Variants in EYA2 observed in about 807,000 individuals in gnomAD.
EYA2 encodes the protein protein phosphatase EYA2.
A neutral mutation model predicts 69.2 loss-of-function variants in EYA2; 31 were observed. The observed-to-expected ratio is 0.45, with a 90% CI of 0.34 to 0.60. The LOEUF (loss-of-function observed/expected upper bound fraction) is 0.60. Among genes scored for constraint, EYA2 ranks in the 20% least tolerant of loss-of-function variants. EYA2 has a pLI of 0.02. For missense variants in EYA2, 622 were observed against 701.2 expected, an observed-to-expected ratio of 0.89 and a Z score of 1.28; for synonymous variants, 257 against 279.4, an observed-to-expected ratio of 0.92 and a Z score of 0.80.
intron 1 of EYA2, among the ~76,000 whole-genome samples, chr20:46,943,939 TTCTC>T (rs1478273356): frequency 6.6e-6 from 1 of 152,162 alleles, no homozygotes; most frequent in Non-Finnish European, 1.5e-5. Context: ...CCCCCTTTCT[TTCTC>T]ATTAAAAAGA....
Position 47,063,388 on chromosome 20 carries a change from TGTGC to T in EYA2, c.416-8793_416-8790del, listed in dbSNP as rs1276300062. ...TTGGGTTTATTTGTGTGTGTGTGCG[TGTGC>T]GTGTGTGTGTGTGTGTGTGTGTGTG... On this transcript the variant is annotated intron_variant, in intron 5 of 15. Coordinates refer to ENST00000327619, the MANE Select transcript of EYA2 (RefSeq NM_005244.5). 2.2e-3 allele frequency among the ~76,000 whole-genome samples: 249 copies of T among 113,794 alleles called. 1 individual carries two copies. Among genetic ancestry groups the T allele is most frequent in the African/African-American group, 8.5e-3 (226 of 26,642 alleles). 74.7% of individuals were successfully genotyped at this position (113,794 alleles called of 152,430 possible).
chr20:46,906,390 CA>C (rs1254213919), intron 1 of EYA2, among the ~76,000 whole-genome samples: 1 of 152,178 alleles, frequency 6.6e-6, no homozygotes, highest in Non-Finnish European at 1.5e-5. Context: ...ACCAGAATTG[CA>C]ATGCTGTGCT....
At chr20:47,170,188 G>A (rs947432431) in intron 11 of EYA2, among the ~76,000 whole-genome samples, 3 of 151,764 alleles carry the variant, frequency 2.0e-5, no homozygotes, top group Non-Finnish European at 2.9e-5. Context: ...GGTTACAGGC[G>A]TGAGCCACCG....
chr20:47,141,215 C>G (rs574663598), intron 9 of EYA2, among the ~76,000 whole-genome samples: 1 of 152,206 alleles, frequency 6.6e-6, no homozygotes, highest in African/African-American at 2.4e-5. Flanking sequence ...GAAAGCACTT[C>G]ATAGATATTA....
rs199824734 is a variant in EYA2 at position 47,107,991 on chromosome 20, AG to A, written c.888+10825del. 6.0e-3 allele frequency among the ~76,000 whole-genome samples: 921 copies of A among 152,322 alleles called. 9 individuals carry two copies. Among genetic ancestry groups the A allele is most frequent in the African/African-American group, 0.02 (852 of 41,576 alleles). ...AGGGCAGAGGGAATGGCACATGCAA[AG>A]GCCCTGCAGCAGAAGTGTGCCTGGG... On this transcript the variant is annotated intron_variant, in intron 9 of 15. Coordinates refer to ENST00000327619, the MANE Select transcript of EYA2 (RefSeq NM_005244.5).
intron 5 of EYA2, among the ~76,000 whole-genome samples, chr20:47,047,182 A>T (rs1198122002): frequency 1.3e-5 from 2 of 152,028 alleles, no homozygotes; most frequent in African/African-American, 4.8e-5. Flanking sequence ...TCCCCTCTGC[A>T]TCCCTCAGTG....
chr20:47,036,091 A>G (rs558270848), intron 5 of EYA2, among the ~76,000 whole-genome samples: 2 of 152,108 alleles, frequency 1.3e-5, no homozygotes, highest in South Asian at 4.2e-4. Flanking sequence ...GCCAGTATTC[A>G]CTCCCTTGGT....
chr20:47,084,294 A>G (rs2146495854), intron 7 of EYA2, among the ~76,000 whole-genome samples: 1 of 152,282 alleles, frequency 6.6e-6, no homozygotes, highest in Admixed American at 6.5e-5. Flanking sequence ...TAATCCCAGC[A>G]CTTTGGGAGG....
intron 1 of EYA2, among the ~76,000 whole-genome samples, chr20:46,896,229 A>C (rs772958472): frequency 7.9e-5 from 12 of 152,180 alleles, no homozygotes; most frequent in Non-Finnish European, 1.6e-4. Flanking sequence ...ATCCCTTACA[A>C]AGGAAATTAT....
intron 5 of EYA2, among the ~76,000 whole-genome samples, chr20:47,023,907 G>C (rs1191445395): frequency 6.6e-6 from 1 of 152,148 alleles, no homozygotes; most frequent in African/African-American, 2.4e-5. Flanking sequence ...CAAAGTGCTA[G>C]TACAGGCATG....
intron 9 of EYA2, among the ~76,000 whole-genome samples, chr20:47,118,247 C>G (rs971486172): frequency 2.0e-5 from 3 of 152,248 alleles, no homozygotes; most frequent in African/African-American, 7.2e-5. Context: ...CCCCTTCCCT[C>G]TCTCTTTTCA....
At chr20:46,957,813 GT>G (rs1418129958) in intron 1 of EYA2, among the ~76,000 whole-genome samples, 1 of 152,166 alleles carries the variant, frequency 6.6e-6, no homozygotes, top group Non-Finnish European at 1.5e-5. Flanking sequence ...AAGCCACCAA[GT>G]TTGTGCTTCT....
chr20:46,955,397 A>G (rs1416432983), intron 1 of EYA2, among the ~76,000 whole-genome samples: 1 of 152,186 alleles, frequency 6.6e-6, no homozygotes, highest in South Asian at 2.1e-4. Context: ...GACCACTTTT[A>G]TACTCAAGAA....
chr20:47,026,103 G>A lies in EYA2; in HGVS notation c.415+9806G>A, dbSNP rs143516171. 4.4e-3 allele frequency among the ~76,000 whole-genome samples: 664 copies of A among 152,322 alleles called. 1 individual carries two copies. The highest frequency in any genetic ancestry group is 7.1e-3 in the Non-Finnish European group (481 of 68,028). On this transcript the variant is annotated intron_variant, in intron 5 of 15. Coordinates refer to ENST00000327619, the MANE Select transcript of EYA2 (RefSeq NM_005244.5). The stretch of plus-strand genomic sequence containing the variant: ...TGCTTCTAGTGTGAATACACTCACC[G>A]ATCAATAGAGGAGAACAAATGGTCT...
intron 2 of EYA2, among the ~76,000 whole-genome samples, chr20:46,997,026 C>T (rs554850810): frequency 3.3e-5 from 5 of 152,208 alleles, no homozygotes; most frequent in Middle Eastern, 6.8e-3. Flanking sequence ...GTGGAGGCCA[C>T]GATGGGATTA....
At chr20:46,955,947 C>T (rs1979100794) in intron 1 of EYA2, among the ~76,000 whole-genome samples, 1 of 152,200 alleles carries the variant, frequency 6.6e-6, no homozygotes. Flanking sequence ...ATGAAAGCAG[C>T]CCTAGACAAT....
At chr20:47,103,470 A>G (rs1348277244) in intron 9 of EYA2, among the ~76,000 whole-genome samples, 1 of 152,186 alleles carries the variant, frequency 6.6e-6, no homozygotes, top group Non-Finnish European at 1.5e-5. Context: ...ACAAATATTC[A>G]AGACTGGGTA....
At chr20:47,045,493 A>G (rs1376235534) in intron 5 of EYA2, among the ~76,000 whole-genome samples, 1 of 152,164 alleles carries the variant, frequency 6.6e-6, no homozygotes, top group East Asian at 1.9e-4. Context: ...ACATACAGGG[A>G]TCAGAAGAGT....
chr20:47,112,752 G>A (rs2032781453), intron 9 of EYA2, among the ~76,000 whole-genome samples: 1 of 149,642 alleles, frequency 6.7e-6, no homozygotes, highest in Non-Finnish European at 1.5e-5. Context: ...AGGAATTATT[G>A]TTACTCTTCT....
Sources: gnomAD v4.1 joint callset for allele counts (sites outside exome capture counted in the v4.1 genomes callset) on GRCh38, gnomAD v4.1.1 for gene constraint, MANE v1.5 for transcripts, NCBI Gene and HGNC (gene_info 2026-07-23, HGNC 2026-07-21) for gene names.